CEP128: variants seen among roughly 807,000 people sequenced by gnomAD.
The protein encoded by CEP128 is centrosomal protein 128kDa.
In CEP128, 132 loss-of-function variants were observed where a neutral mutation model predicts 156.7. The observed-to-expected ratio is 0.84, with a 90% CI of 0.73 to 0.97. The LOEUF is 0.97. Among genes scored for constraint, CEP128 ranks in the 50% least tolerant of loss-of-function variants. The pLI is 0.00. For synonymous variants in CEP128, 469 were observed against 448.9 expected (o/e 1.04, Z -0.57); for missense variants, 1,252 against 1,281.9 (o/e 0.98, Z 0.36).
rs544686191 is a variant in CEP128 at position 80,639,793 on chromosome 14, A to C, written c.2807-59370T>G. ...CTCCTTTGAGCAGAACTATAATCTT[A>C]AATGGAGCAACAGTTTGTTTTGATG... On this transcript the variant is annotated intron_variant, in intron 19 of 24. Transcript: ENST00000555265. 2.0e-5 allele frequency among the ~76,000 whole-genome samples: 3 copies of C among 152,296 alleles called. No individual in the cohort carries two copies. In the South Asian group the frequency reaches 6.2e-4, roughly 32 times the overall value.
chr14:80,891,315 G>A (rs1440869816), intron 8 of CEP128, among the ~76,000 whole-genome samples: 1 of 151,976 alleles, frequency 6.6e-6, no homozygotes, highest in Non-Finnish European at 1.5e-5. Context: ...AGTGTCCATT[G>A]ACAGAAGAAT....
At chr14:80,571,612 G>A (rs1402840940) in intron 20 of CEP128, among the ~76,000 whole-genome samples, 1 of 152,150 alleles carries the variant, frequency 6.6e-6, no homozygotes, top group Admixed American at 6.5e-5. Flanking sequence ...ATGCTTATTA[G>A]TCATTTTTGC....
chr14:80,633,170 TG>T (rs11299682), intron 19 of CEP128, among the ~76,000 whole-genome samples: 53,754 of 151,816 alleles, frequency 0.35, 11,326 homozygotes, highest in African/African-American at 0.59. Context: ...AAGGTTGCCT[TG>T]AGCCGTGACT....
chr14:80,683,377 G>T (rs971615224), intron 19 of CEP128, among the ~76,000 whole-genome samples: 3 of 151,902 alleles, frequency 2.0e-5, no homozygotes, highest in African/African-American at 7.3e-5. Flanking sequence ...AAAGAAGGAT[G>T]GTACATAAAG....
intron 21 of CEP128, among the ~76,000 whole-genome samples, chr14:80,535,628 C>G (rs1594962493): frequency 6.6e-6 from 1 of 151,002 alleles, no homozygotes; most frequent in East Asian, 1.9e-4. Context: ...CACACACACA[C>G]ACACATGGGG....
At chr14:80,831,326 G>A in intron 12 of CEP128, 32 bp from the exon 13 acceptor site, 2 of 1,608,576 alleles carry the variant, frequency 1.2e-6, no homozygotes, top group Non-Finnish European at 1.7e-6. Context: ...CTCAAGGGTT[G>A]TTCTTTATTC....
Position 80,604,792 on chromosome 14 carries a change from A to T in CEP128, c.2807-24369T>A, listed in dbSNP as rs542588451. ...CTTTGGTAAGTACCATGTTCAGGAG[A>T]TTCTAGTTCAGAATATTGTATATAC... is the stretch of plus-strand genomic sequence containing the variant. On this transcript the variant is annotated intron_variant, in intron 19 of 24. Transcript: ENST00000555265. Among the ~76,000 whole-genome samples the T allele has an allele frequency of 3.3e-5, 5 of 152,168 alleles. No homozygotes were observed. The South Asian group carries it at 1.0e-3, about 32-fold the overall frequency.
chr14:80,687,510 C>G (rs1194342964), intron 19 of CEP128, among the ~76,000 whole-genome samples: 2 of 152,086 alleles, frequency 1.3e-5, no homozygotes, highest in African/African-American at 2.4e-5. Context: ...CATATTCCCA[C>G]TTGTAAGTGG....
At chr14:80,898,332 G>A (rs1029634918) in intron 7 of CEP128, among the ~76,000 whole-genome samples, 17 of 152,152 alleles carry the variant, frequency 1.1e-4, no homozygotes, top group Admixed American at 9.2e-4. Flanking sequence ...AAGTAAAGCA[G>A]AACGGCATCC....
chr14:80,836,243 T>G lies in CEP128; in HGVS notation c.1019A>C (p.Tyr340Ser), dbSNP rs1372031253. ...VSQISKQQSNYQDEQGEDWRF... is the reference protein window; with the variant it reads ...VSQISKQQSNSQDEQGEDWRF... Reference sequence around the variant, plus strand: ...CCAGTCCTCCCCTTGTTCATCCTGATAGTTTGACTGTTGCTTGGAAATCTG... The same window carrying G: ...CCAGTCCTCCCCTTGTTCATCCTGAGAGTTTGACTGTTGCTTGGAAATCTG... The change falls in exon 12 of 25, where the codon TAT (tyrosine) becomes TCT (serine). Residue 340 changes from tyrosine to serine, a missense_variant. Coordinates refer to ENST00000555265, the MANE Select transcript of CEP128 (RefSeq NM_152446.5). 1 of 1,614,042 alleles carries G rather than the reference T, an allele frequency of 6.2e-7. No individual in the cohort carries two copies. The highest frequency in any genetic ancestry group is 2.2e-5 in the East Asian group (1 of 44,870).
At chr14:80,749,741 T>C (rs1158255520) in intron 18 of CEP128, among the ~76,000 whole-genome samples, 1 of 152,158 alleles carries the variant, frequency 6.6e-6, no homozygotes, top group Non-Finnish European at 1.5e-5. Context: ...TAATTTATCA[T>C]GCATTTTTAA....
chr14:80,889,397 C>G (rs1416302736), intron 8 of CEP128, among the ~76,000 whole-genome samples: 1 of 152,166 alleles, frequency 6.6e-6, no homozygotes, highest in Non-Finnish European at 1.5e-5. Context: ...GCTACAGTAA[C>G]CAAAACAGCA....
chr14:80,596,563 C>T (rs749589690), intron 19 of CEP128, among the ~76,000 whole-genome samples: 1 of 151,938 alleles, frequency 6.6e-6, no homozygotes, highest in Non-Finnish European at 1.5e-5. Context: ...GATCCCAGAG[C>T]TTTGGGAGGC....
rs1044673685 is a variant in CEP128, at chr14:80,898,095, T to C, written c.572+1843A>G. Reference sequence around the variant, plus strand: ...GTGCCCGGTCCAAATCAATTCTTCATATGGCATCCAAAGTAGGTGATTTCT... The same window carrying C: ...GTGCCCGGTCCAAATCAATTCTTCACATGGCATCCAAAGTAGGTGATTTCT... On this transcript the variant is annotated intron_variant, in intron 7 of 24. Coordinates refer to ENST00000555265, the MANE Select transcript of CEP128 (RefSeq NM_152446.5). Among the ~76,000 whole-genome samples the C allele has an allele frequency of 3.3e-5, 5 of 152,362 alleles. No homozygotes were observed. The South Asian group carries it at 1.0e-3, about 32-fold the overall frequency.
chr14:80,659,672 A>G (rs10498548), intron 19 of CEP128, among the ~76,000 whole-genome samples: 16,442 of 152,194 alleles, frequency 0.11, 2,023 homozygotes, highest in African/African-American at 0.29. Flanking sequence ...AAACCTTAAC[A>G]ATGCATTTAT....
chr14:80,647,093 T>C (rs71430713), intron 19 of CEP128, among the ~76,000 whole-genome samples: 1 of 74,296 alleles, frequency 1.3e-5, no homozygotes, highest in African/African-American at 5.6e-5. Flanking sequence ...ATATACACCC[T>C]TATAAATACA....
chr14:80,571,614 C>T (rs1328726118), intron 20 of CEP128, among the ~76,000 whole-genome samples: 1 of 152,068 alleles, frequency 6.6e-6, no homozygotes, highest in East Asian at 1.9e-4. Context: ...GCTTATTAGT[C>T]ATTTTTGCAG....
intron 20 of CEP128, among the ~76,000 whole-genome samples, chr14:80,569,931 G>A (rs749496984): frequency 9.2e-5 from 14 of 152,112 alleles, no homozygotes; most frequent in Non-Finnish European, 1.5e-4. Flanking sequence ...AAGTATTACC[G>A]AGAGAGGCAG....
chr14:80,775,024 G>C (rs374601706), intron 16 of CEP128, among the ~76,000 whole-genome samples: 48 of 152,220 alleles, frequency 3.2e-4, no homozygotes, highest in African/African-American at 9.9e-4. Context: ...TATGCCAATT[G>C]GTTGACTGCT....
Sources: allele counts gnomAD v4.1 joint callset (sites outside exome capture counted in the v4.1 genomes callset), GRCh38; gene constraint gnomAD v4.1.1; transcripts MANE v1.5; gene names NCBI Gene and HGNC (gene_info 2026-07-23, HGNC 2026-07-21).